Variants in PRIM2 observed in about 807,000 individuals in gnomAD.
The protein encoded by PRIM2 is DNA primase subunit 2.
In PRIM2, 39 loss-of-function variants were observed where a neutral mutation model predicts 67.3. That is an observed-to-expected ratio of 0.58 (90% confidence interval 0.45 to 0.76). PRIM2 has a LOEUF of 0.76. Among genes scored for constraint, PRIM2 ranks in the 30% least tolerant of loss-of-function variants. The pLI is 0.00. For missense variants in PRIM2, 398 were observed against 598.7 expected, an observed-to-expected ratio of 0.66 and a Z score of 3.50; for synonymous variants, 143 against 198.7, an observed-to-expected ratio of 0.72 and a Z score of 2.36.
rs549946763 is a variant in PRIM2, at chr6:57,323,994, A to G, written c.259-207A>G. Among the ~76,000 whole-genome samples the G allele has an allele frequency of 2.5e-3, 387 of 151,984 alleles. 4 individuals carry two copies. Among genetic ancestry groups the G allele is most frequent in the African/African-American group, 8.9e-3 (370 of 41,468 alleles). ...CAGCTGCTTGGGAGGTTGAGGCTGG[A>G]GGATCACTTGAGCCCAGGAGTTTGA... On this transcript the variant is annotated intron_variant, in intron 3 of 13. Transcript: ENST00000615550.
At chr6:57,242,302 A>G in the PRIM2 span, among the ~76,000 whole-genome samples, 2 of 152,202 alleles carry the variant, frequency 1.3e-5, no homozygotes, top group Non-Finnish European at 2.9e-5. Flanking sequence ...TCCTGCCAAT[A>G]AAATGTAGAT....
At chr6:57,552,969 T>C (rs1775433594) in intron 10 of PRIM2, among the ~76,000 whole-genome samples, 1 of 152,174 alleles carries the variant, frequency 6.6e-6, no homozygotes, top group Admixed American at 6.5e-5. Flanking sequence ...AAATAAATTG[T>C]ATTTTATTCT....
intron 10 of PRIM2, among the ~76,000 whole-genome samples, chr6:57,546,666 T>C (rs1294684241): frequency 2.0e-5 from 3 of 152,178 alleles, no homozygotes; most frequent in Non-Finnish European, 4.4e-5. Context: ...TGATTTAAAA[T>C]TCTCCATTTC....
At chr6:57,333,609 T>TA (rs1357947366) in intron 5 of PRIM2, among the ~76,000 whole-genome samples, 2 of 152,160 alleles carry the variant, frequency 1.3e-5, no homozygotes, top group African/African-American at 4.8e-5. Context: ...TCTCTTTTTA[T>TA]AACCTCTTGT....
the PRIM2 span, among the ~76,000 whole-genome samples, chr6:57,306,457 G>C: frequency 6.6e-6 from 1 of 152,174 alleles, no homozygotes; most frequent in Non-Finnish European, 1.5e-5. Context: ...AAGAACTTAG[G>C]TGAGGGTGCT....
intron 7 of PRIM2, among the ~76,000 whole-genome samples, chr6:57,399,811 A>C (rs1446670505): frequency 6.6e-6 from 1 of 151,928 alleles, no homozygotes; most frequent in South Asian, 2.1e-4. Context: ...GCATTTTTTC[A>C]TGTGTCTTTT....
chr6:57,496,863 A>ACCATTT (rs1774015693), intron 7 of PRIM2, among the ~76,000 whole-genome samples: 1 of 152,214 alleles, frequency 6.6e-6, no homozygotes, highest in Non-Finnish European at 1.5e-5. Context: ...GTCTCTCTGA[A>ACCATTT]CAGTGGTAGT....
intron 12 of PRIM2, among the ~76,000 whole-genome samples, chr6:57,622,159 A>G (rs1304111764): frequency 1.3e-5 from 2 of 152,200 alleles, no homozygotes; most frequent in Non-Finnish European, 2.9e-5. Context: ...TCACAGAGTA[A>G]TAATGGTATC....
At chr6:57,492,410 G>A (rs1773916530) in intron 7 of PRIM2, among the ~76,000 whole-genome samples, 2 of 151,936 alleles carry the variant, frequency 1.3e-5, no homozygotes, top group African/African-American at 2.4e-5. Flanking sequence ...GGGCATGGTG[G>A]TGGGTACCTG....
chr6:57,528,506 T>G (rs1774812147), intron 8 of PRIM2, among the ~76,000 whole-genome samples: 1 of 152,120 alleles, frequency 6.6e-6, no homozygotes, highest in Non-Finnish European at 1.5e-5. Context: ...CTCTTTGTAC[T>G]TAGTATAGTA....
At chr6:57,268,709 T>C in the PRIM2 span, among the ~76,000 whole-genome samples, 9,619 of 151,780 alleles carry the variant, frequency 0.063, 430 homozygotes, top group Non-Finnish European at 0.1. Flanking sequence ...TGTATACATG[T>C]GTCATGTTGG....
chr6:57,271,277 A>G, the PRIM2 span, among the ~76,000 whole-genome samples: 2 of 152,136 alleles, frequency 1.3e-5, no homozygotes, highest in Non-Finnish European at 2.9e-5. Flanking sequence ...TTTGGTTGGT[A>G]AGCGATTGAT....
intron 7 of PRIM2, among the ~76,000 whole-genome samples, chr6:57,506,776 T>C (rs1423315640): frequency 3.3e-5 from 5 of 152,080 alleles, no homozygotes; most frequent in Non-Finnish European, 7.4e-5. Context: ...GATGATATGC[T>C]GTCAAGTTGG....
intron 10 of PRIM2, among the ~76,000 whole-genome samples, chr6:57,569,921 T>G (rs1318346764): frequency 1.3e-5 from 2 of 152,152 alleles, no homozygotes; most frequent in African/African-American, 4.8e-5. Context: ...TTTTTGTATT[T>G]TTAGTAGAGA....
chr6:57,222,660 C>T, the PRIM2 span, among the ~76,000 whole-genome samples: 8 of 152,152 alleles, frequency 5.3e-5, no homozygotes, highest in Admixed American at 6.5e-5. Context: ...ACACAGCCTG[C>T]AGGACAAAAT....
chr6:57,467,745 CTTCATA>C (rs1314033797), intron 7 of PRIM2, among the ~76,000 whole-genome samples: 1 of 150,438 alleles, frequency 6.6e-6, no homozygotes, highest in African/African-American at 2.5e-5. Context: ...GATATTGATT[CTTCATA>C]TTCATGAGCA....
the PRIM2 span, among the ~76,000 whole-genome samples, chr6:57,308,938 A>AT: frequency 0.1 from 14,396 of 140,116 alleles, 767 homozygotes; most frequent in African/African-American, 0.15. Context: ...TTGTTTGTTT[A>AT]TTTTTTTTTT....
chr6:57,311,191 CT>C, upstream of PRIM2, among the ~76,000 whole-genome samples: 1 of 146,168 alleles, frequency 6.8e-6, no homozygotes, highest in African/African-American at 2.5e-5. Flanking sequence ...AGAGGCGCCC[CT>C]CACCTCCCAG....
At chr6:57,233,656 T>G in the PRIM2 span, among the ~76,000 whole-genome samples, 2 of 103,120 alleles carry the variant, frequency 1.9e-5, no homozygotes, top group South Asian at 3.8e-4. Flanking sequence ...CCTTCCTCCC[T>G]CCCTCCCTCC....
Sources: allele counts gnomAD v4.1 joint callset (sites outside exome capture counted in the v4.1 genomes callset), GRCh38; gene constraint gnomAD v4.1.1; transcripts MANE v1.5; gene names NCBI Gene and HGNC (gene_info 2026-07-23, HGNC 2026-07-21).